Variants in THUMPD2 observed in about 807,000 individuals in gnomAD.
THUMPD2 encodes U6 snRNA (guanine-N(2))-methyltransferase THUMPD2.
Under a neutral mutation model 49.4 loss-of-function variants are expected in THUMPD2, and 56 were observed. The observed-to-expected ratio is 1.13, with a 90% confidence interval of 0.91 to 1.41. The LOEUF is 1.41. Among genes scored for constraint, THUMPD2 ranks in the 40% most tolerant of loss-of-function variants. The probability of loss-of-function intolerance (pLI) is 0.00; values close to 1 mark genes in which losing one functional copy is unlikely to be tolerated. For missense variants in THUMPD2, 709 were observed against 594.5 expected, an observed-to-expected ratio of 1.19 and a Z score of -2.00; for synonymous variants, 237 against 205.2, an observed-to-expected ratio of 1.15 and a Z score of -1.32.
chr2:39,766,405 A>C (rs1677526169), intron 4 of THUMPD2, among the ~76,000 whole-genome samples: 1 of 152,310 alleles, frequency 6.6e-6, no homozygotes, highest in East Asian at 1.9e-4. Flanking sequence ...AATTATCATA[A>C]GTGGACCACG....
At position 39,744,367 on chromosome 2, in the gene THUMPD2, T is replaced by G. The variant is rs1278634568; in HGVS notation, c.1187+3A>C. ...AATTATGAAAATAAATTCAACAACT[T>G]ACCTTTCCATTTCTTGTAGAATGCT... On this transcript the variant is annotated splice_donor_region_variant and intron_variant, in intron 9 of 9. Coordinates refer to ENST00000505747, the MANE Select transcript of THUMPD2 (RefSeq NM_025264.5). The G allele has an allele frequency of 1.3e-6, 2 of 1,538,976 alleles. No individual in the cohort carries two copies. The highest frequency in any genetic ancestry group is 2.1e-5 in the Admixed American group (1 of 48,608).
chr2:39,742,812 G>A (rs1343237534), intron 9 of THUMPD2, among the ~76,000 whole-genome samples: 1 of 152,092 alleles, frequency 6.6e-6, no homozygotes, highest in Non-Finnish European at 1.5e-5. Flanking sequence ...TGGATAGCAG[G>A]GATCAGTATT....
chr2:39,772,873 C>T (rs1258911439), intron 1 of THUMPD2, among the ~76,000 whole-genome samples: 1 of 152,148 alleles, frequency 6.6e-6, no homozygotes, highest in African/African-American at 2.4e-5. Context: ...CTGTCAAGAT[C>T]TAATTAAGCT....
At chr2:39,739,635 T>G (rs941732735) in intron 9 of THUMPD2, among the ~76,000 whole-genome samples, 1 of 152,186 alleles carries the variant, frequency 6.6e-6, no homozygotes. Context: ...TACATGCAAG[T>G]GCATGGGAGA....
intron 3 of THUMPD2, 196 bp from the exon 4 acceptor site, chr2:39,768,697 C>T (rs993172259): frequency 1.5e-6 from 1 of 661,476 alleles, no homozygotes; most frequent in East Asian, 2.8e-5. Flanking sequence ...CTGCCCTAGC[C>T]CCCAGTACAC....
rs1329003786 is a variant in THUMPD2, at chr2:39,744,455, C to T, written c.1102G>A (p.Val368Ile). The T allele has an allele frequency of 5.1e-6, 8 of 1,581,404 alleles. No homozygotes were observed. The Admixed American group carries it at 5.6e-5, about 11-fold the overall frequency. Residue 368 changes from valine to isoleucine, a missense_variant, in exon 9 of 10, where the codon GTT becomes ATT. Coordinates refer to ENST00000505747, the MANE Select transcript of THUMPD2 (RefSeq NM_025264.5). ...VIELPLPSES[V>I]DIIISDIPFG... ...GGAATGTCAGAAATAATAATATCAA[C>T]ACTTTCTGAAGGCAATGGCAATTCT...
intron 5 of THUMPD2, 64 bp downstream of exon 5, chr2:39,765,993 A>T (rs570317921): frequency 1.9e-5 from 25 of 1,343,530 alleles, no homozygotes; most frequent in Non-Finnish European, 2.6e-5. Flanking sequence ...CTGTAAATAA[A>T]AAACACAAGT....
intron 9 of THUMPD2, among the ~76,000 whole-genome samples, chr2:39,743,917 G>C (rs1180066278): frequency 6.6e-6 from 1 of 152,146 alleles, no homozygotes; most frequent in Non-Finnish European, 1.5e-5. Context: ...CTATGTTATG[G>C]AAGGTTCCTT....
At chr2:39,767,587 G>T (rs1316959150) in intron 4 of THUMPD2, among the ~76,000 whole-genome samples, 1 of 112,116 alleles carries the variant, frequency 8.9e-6, no homozygotes, top group Admixed American at 1.1e-4. Context: ...CTGGGCGACA[G>T]AGCGAGACTC....
At chr2:39,758,684 C>T (rs1469696545) in intron 6 of THUMPD2, among the ~76,000 whole-genome samples, 2 of 151,876 alleles carry the variant, frequency 1.3e-5, no homozygotes, top group African/African-American at 4.8e-5. Flanking sequence ...TTGCCTTTTA[C>T]CATTTATAGG....
chr2:39,775,393 C>T (rs773473437), intron 1 of THUMPD2, among the ~76,000 whole-genome samples: 5 of 152,100 alleles, frequency 3.3e-5, no homozygotes, highest in African/African-American at 4.8e-5. Context: ...GAAAGTGCTA[C>T]GTGATGGGTT....
At chr2:39,779,035 C>T in intron 1 of THUMPD2, 79 bp downstream of exon 1, 2 of 1,351,288 alleles carry the variant, frequency 1.5e-6, no homozygotes, top group African/African-American at 1.5e-5. Context: ...CGACGCTTTC[C>T]CGCGTCCACG....
chr2:39,768,479 A>T lies in THUMPD2; in HGVS notation c.695T>A (p.Ile232Asn). The T allele has an allele frequency of 6.2e-7, 1 of 1,612,832 alleles. No individual in the cohort carries two copies. The highest frequency in any genetic ancestry group is 8.5e-7 in the Non-Finnish European group (1 of 1,179,586). ...TAQEVGKVIG[I>N]AIMKHFGWKA... is the part of the protein sequence containing the mutation. ...CCATCCAAAGTGTTTCATAATAGCA[A>T]TTCCAATTACTTTTCCTACCTCCTG... Residue 232 changes from isoleucine (I) to asparagine (N), a missense_variant, in exon 4 of 10, where the codon ATT (isoleucine) becomes AAT (asparagine). By Grantham distance (149) the Ile-to-Asn change is moderately radical. Coordinates refer to ENST00000505747, the MANE Select transcript of THUMPD2 (RefSeq NM_025264.5).
chr2:39,756,738 C>T (rs917855621), intron 6 of THUMPD2, among the ~76,000 whole-genome samples: 4 of 151,996 alleles, frequency 2.6e-5, no homozygotes, highest in African/African-American at 2.4e-5. Flanking sequence ...GACAATTATA[C>T]GGTAACAATC....
intron 5 of THUMPD2, among the ~76,000 whole-genome samples, chr2:39,763,207 C>G (rs112169481): frequency 2.6e-4 from 39 of 151,774 alleles, no homozygotes; most frequent in African/African-American, 8.9e-4. Flanking sequence ...ACCACCAAGA[C>G]AAAGACGTCC....
Position 39,737,979 on chromosome 2 carries a change from G to A in THUMPD2, c.1188-920C>T, listed in dbSNP as rs1190005943. Among the ~76,000 whole-genome samples, 6 of 152,144 alleles carry A rather than the reference G, an allele frequency of 3.9e-5. No individual in the cohort carries two copies. In the East Asian group the frequency reaches 1.2e-3, roughly 29 times the overall value. The stretch of plus-strand genomic sequence containing the variant: ...GCTGATGTACCTAAGGAACACATAA[G>A]TGCGGATTCCACCAGAGAGCTGGAT... On this transcript the variant is annotated intron_variant, in intron 9 of 9. Transcript: ENST00000505747.
chr2:39,770,900 G>C (rs760357615), intron 2 of THUMPD2, among the ~76,000 whole-genome samples: 1 of 151,796 alleles, frequency 6.6e-6, no homozygotes, highest in Admixed American at 6.6e-5. Flanking sequence ...TGAAGTTTAC[G>C]GCAGCATTTA....
intron 1 of THUMPD2, among the ~76,000 whole-genome samples, chr2:39,775,956 G>C (rs1435232752): frequency 6.6e-6 from 1 of 151,974 alleles, no homozygotes; most frequent in Non-Finnish European, 1.5e-5. Flanking sequence ...GCCTATTCAG[G>C]ACCTGTGTTA....
intron 3 of THUMPD2, chr2:39,769,178 A>T (rs1340001359): frequency 6.8e-6 from 7 of 1,026,460 alleles, no homozygotes; most frequent in African/African-American, 1.7e-5. Context: ...AGGATTTCCA[A>T]ATACAAAGGA....
Sources: allele counts gnomAD v4.1 joint callset (sites outside exome capture counted in the v4.1 genomes callset), GRCh38; gene constraint gnomAD v4.1.1; transcripts MANE v1.5; gene names NCBI Gene and HGNC (gene_info 2026-07-23, HGNC 2026-07-21).